The following IARS2 variants were observed in gnomAD, a reference collection of about 807,000 sequenced individuals.
The protein encoded by IARS2 is isoleucine--tRNA ligase, mitochondrial.
In IARS2, 56 loss-of-function variants were observed where a neutral mutation model predicts 126.3. The observed-to-expected ratio is 0.44, with a 90% CI of 0.36 to 0.55. The LOEUF (loss-of-function observed/expected upper bound fraction) is 0.55. IARS2 is among the 20% of genes least tolerant of loss of function. The probability of loss-of-function intolerance (pLI) is 0.00; values close to 1 mark genes in which losing one functional copy is unlikely to be tolerated. For missense variants in IARS2, 1,127 were observed against 1,245.9 expected, an observed-to-expected ratio of 0.90 and a Z score of 1.44; for synonymous variants, 407 against 441.1, an observed-to-expected ratio of 0.92 and a Z score of 0.97.
At chr1:220,118,074 C>CT (rs1004985583) in intron 12 of IARS2, 9 of 434,926 alleles carry the variant, frequency 2.1e-5, no homozygotes, top group Admixed American at 1.3e-4. Context: ...GGCTGAAAAT[C>CT]TTTTTTTCTG....
rs190414732 is a variant in IARS2, at chr1:220,111,258, C to T, written c.1479+321C>T. 2.1e-3 allele frequency among the ~76,000 whole-genome samples: 321 copies of T among 152,236 alleles called. 1 individual carries two copies. The highest frequency in any genetic ancestry group is 3.7e-3 in the Non-Finnish European group (253 of 68,018). ...GTTACCTAGTTTAACCTCCCACTGC[C>T]TCTGTTTCCTCATCTATATAAAGTG... On this transcript the variant is annotated intron_variant, in intron 11 of 22. Coordinates refer to ENST00000366922, the MANE Select transcript of IARS2 (RefSeq NM_018060.4).
At chr1:220,112,298 C>G (rs12068063) in intron 11 of IARS2, among the ~76,000 whole-genome samples, 1 of 115,132 alleles carries the variant, frequency 8.7e-6, no homozygotes, top group Non-Finnish European at 1.8e-5. Flanking sequence ...CCGCGCCCGG[C>G]TAATTTTTTG....
chr1:220,140,200 A>G lies in IARS2; in HGVS notation c.2325A>G (p.Lys775=), dbSNP rs2102840677. 6.2e-7 allele frequency: 1 copy of G among 1,610,512 alleles called. No individual in the cohort carries two copies. The highest frequency in any genetic ancestry group is 8.5e-7 in the Non-Finnish European group (1 of 1,176,902). The change falls in exon 19 of 23, where the codon AAA becomes AAG. Residue 775 remains lysine, a synonymous_variant. Coordinates refer to ENST00000366922, the MANE Select transcript of IARS2 (RefSeq NM_018060.4). ...TTCCCTAGATTACCGAATTATACAA[A>G]CAATATGATTTTGGAAAAGTTGTTC... ...DLANKITELY[K]QYDFGKVVRL...
intron 14 of IARS2, among the ~76,000 whole-genome samples, chr1:220,127,506 C>T (rs1347438490): frequency 6.6e-6 from 1 of 152,140 alleles, no homozygotes; most frequent in African/African-American, 2.4e-5. Context: ...ATTTTTAAGG[C>T]AACTAAGTGA....
chr1:220,132,827 C>T (rs1657297489), intron 14 of IARS2, among the ~76,000 whole-genome samples: 1 of 151,976 alleles, frequency 6.6e-6, no homozygotes, highest in Non-Finnish European at 1.5e-5. Context: ...CACCCAGCCC[C>T]ATGTCTCCTT....
At chr1:220,107,999 A>G (rs1656715870) in intron 10 of IARS2, among the ~76,000 whole-genome samples, 1 of 152,148 alleles carries the variant, frequency 6.6e-6, no homozygotes, top group African/African-American at 2.4e-5. Flanking sequence ...CCTGGGTTCA[A>G]GTGATTCTTG....
intron 10 of IARS2, among the ~76,000 whole-genome samples, chr1:220,108,532 C>A (rs1656728953): frequency 6.6e-6 from 1 of 151,340 alleles, no homozygotes; most frequent in Non-Finnish European, 1.5e-5. Flanking sequence ...ACTACAGGCG[C>A]CTGCCACCAT....
chr1:220,109,861 C>T (rs1246987955), intron 10 of IARS2, among the ~76,000 whole-genome samples: 1 of 152,186 alleles, frequency 6.6e-6, no homozygotes, highest in African/African-American at 2.4e-5. Context: ...TTTTAAGATT[C>T]ATGGCATGAA....
intron 11 of IARS2, among the ~76,000 whole-genome samples, chr1:220,112,555 CTTTTTT>C (rs750583631): frequency 1.7e-5 from 2 of 116,102 alleles, no homozygotes; most frequent in Non-Finnish European, 1.7e-5. Flanking sequence ...AAGATAAGCT[CTTTTTT>C]TTTTTTTTTT....
chr1:220,101,265 A>G (rs1049911367), intron 3 of IARS2, among the ~76,000 whole-genome samples: 6 of 152,262 alleles, frequency 3.9e-5, no homozygotes, highest in African/African-American at 1.4e-4. Context: ...TTTGTCCTAA[A>G]TATGAGGTCA....
chr1:220,126,423 A>G (rs1571857727), intron 13 of IARS2, among the ~76,000 whole-genome samples: 1 of 152,200 alleles, frequency 6.6e-6, no homozygotes, highest in Non-Finnish European at 1.5e-5. Context: ...ACAGTGCCTA[A>G]TGGTACATCA....
intron 11 of IARS2, 59 bp from the exon 12 acceptor site, chr1:220,114,255 T>C (rs1656870101): frequency 2.1e-6 from 3 of 1,458,832 alleles, no homozygotes; most frequent in Non-Finnish European, 2.9e-6. Flanking sequence ...GAAAATTGAC[T>C]GTTCTAGAAT....
At chr1:220,104,965 A>T (rs1006606589) in intron 8 of IARS2, among the ~76,000 whole-genome samples, 3 of 152,226 alleles carry the variant, frequency 2.0e-5, no homozygotes, top group African/African-American at 4.8e-5. Context: ...TAAATTAATC[A>T]GTTCAGATAC....
intron 14 of IARS2, among the ~76,000 whole-genome samples, chr1:220,132,891 C>G (rs1657298470): frequency 6.6e-6 from 1 of 152,154 alleles, no homozygotes; most frequent in Admixed American, 6.6e-5. Flanking sequence ...CTTAGTCTAG[C>G]TAAAGATTTG....
chr1:220,140,179 C>G lies in IARS2; in HGVS notation c.2308-4C>G, dbSNP rs536688309. On this transcript the variant is annotated splice_region_variant and splice_polypyrimidine_tract_variant and intron_variant, in intron 18 of 22. Transcript: ENST00000366922. ...TCCAAATTTATTTTGGCTTTGTTCC[C>G]TAGATTACCGAATTATACAAACAAT... 5 of 1,586,964 alleles carry G rather than the reference C, an allele frequency of 3.2e-6. No individual in the cohort carries two copies. In the African/African-American group the frequency reaches 5.4e-5, roughly 17 times the overall value.
intron 11 of IARS2, 45 bp from the exon 12 acceptor site, chr1:220,114,269 T>G: frequency 6.5e-7 from 1 of 1,542,584 alleles, no homozygotes; most frequent in South Asian, 1.1e-5. Flanking sequence ...CTAGAATACT[T>G]GTTCTGCTTT....
At chr1:220,138,470 A>G (rs1239044913) in intron 17 of IARS2, among the ~76,000 whole-genome samples, 2 of 151,784 alleles carry the variant, frequency 1.3e-5, no homozygotes, top group Non-Finnish European at 2.9e-5. Flanking sequence ...ACCTTGTCTC[A>G]AAAAAAACAA....
At chr1:220,113,163 C>T (rs1656846019) in intron 11 of IARS2, among the ~76,000 whole-genome samples, 2 of 152,150 alleles carry the variant, frequency 1.3e-5, no homozygotes, top group Admixed American at 1.3e-4. Flanking sequence ...CCATGCTCGG[C>T]CAAACTCTTT....
intron 8 of IARS2, among the ~76,000 whole-genome samples, chr1:220,104,709 A>C (rs1202263014): frequency 3.3e-5 from 5 of 151,682 alleles, no homozygotes; most frequent in Non-Finnish European, 7.4e-5. Flanking sequence ...ATTTTATTTT[A>C]TTTTTAAAGA....
Sources: allele counts gnomAD v4.1 joint callset (sites outside exome capture counted in the v4.1 genomes callset), GRCh38; gene constraint gnomAD v4.1.1; transcripts MANE v1.5; gene names NCBI Gene and HGNC (gene_info 2026-07-23, HGNC 2026-07-21).